The following TXNDC16 variants were observed in gnomAD, a reference collection of about 807,000 sequenced individuals.
The protein encoded by TXNDC16 is thioredoxin domain-containing protein 16.
Under a neutral mutation model 85.6 loss-of-function variants are expected in TXNDC16, and 74 were observed. The ratio of observed to expected loss-of-function variants is 0.86; its 90% CI spans 0.72 to 1.05. TXNDC16 has a LOEUF of 1.05. Ranked by LOEUF, TXNDC16 falls within the 50% of genes least tolerant of loss-of-function variation. The pLI is 0.00. For missense variants in TXNDC16, 959 were observed against 947.0 expected (o/e 1.01, Z -0.17); for synonymous variants, 335 against 326.5 (o/e 1.03, Z -0.28).
chr14:52,448,819 GAGTGT>G (rs1701927695), intron 18 of TXNDC16, among the ~76,000 whole-genome samples: 1 of 151,978 alleles, frequency 6.6e-6, no homozygotes, highest in African/African-American at 2.4e-5. Context: ...TAACTTGACA[GAGTGT>G]AGAGTTTTTA....
intron 18 of TXNDC16, among the ~76,000 whole-genome samples, chr14:52,454,919 A>G (rs2035497330): frequency 1.3e-5 from 2 of 152,236 alleles, no homozygotes; most frequent in African/African-American, 4.8e-5. Flanking sequence ...AGTCCTCACA[A>G]TAACTGTCTG....
chr14:52,479,951 C>T (rs1594713510), intron 14 of TXNDC16, among the ~76,000 whole-genome samples: 1 of 152,136 alleles, frequency 6.6e-6, no homozygotes, highest in South Asian at 2.1e-4. Context: ...CAGTGTGGTA[C>T]TGGCATAAAA....
At position 52,535,493 on chromosome 14, in the gene TXNDC16, G is replaced by A. The variant is rs113047237; in HGVS notation, c.392+1226C>T. ...GGAGTTAAACTACCAATTTTTGTAG[G>A]TGAGAGAGGAAGAGGAGACCCAAGC... On this transcript the variant is annotated intron_variant, in intron 6 of 20. Transcript: ENST00000281741. Among the ~76,000 whole-genome samples the A allele has an allele frequency of 2.1e-3, 324 of 152,220 alleles. 2 individuals carry two copies. Among genetic ancestry groups the A allele is most frequent in the African/African-American group, 7.5e-3 (313 of 41,512 alleles).
At chr14:52,519,904 T>C (rs955407147) in intron 6 of TXNDC16, among the ~76,000 whole-genome samples, 3 of 152,220 alleles carry the variant, frequency 2.0e-5, no homozygotes, top group African/African-American at 7.2e-5. Context: ...CAGTAGTTGA[T>C]TCCTTTATAG....
chr14:52,543,394 T>C lies in TXNDC16; in HGVS notation c.160+4A>G, dbSNP rs780132263. ...AATCATATTAGAATTTTAAAAATAC[T>C]TACCAGCTTGACAAAAATAAGCTAA... On this transcript the variant is annotated splice_donor_region_variant and intron_variant, in intron 3 of 20. Transcript: ENST00000281741. 2 of 1,601,442 alleles carry C rather than the reference T, an allele frequency of 1.2e-6. No homozygotes were observed. Among genetic ancestry groups the C allele is most frequent in the Non-Finnish European group, 1.7e-6 (2 of 1,176,474 alleles).
intron 14 of TXNDC16, among the ~76,000 whole-genome samples, chr14:52,474,050 C>A (rs559109490): frequency 6.6e-6 from 1 of 152,240 alleles, no homozygotes; most frequent in Admixed American, 6.5e-5. Context: ...AATTGTTATT[C>A]ATAAAGAACA....
At chr14:52,455,966 C>A (rs1002811153) in intron 17 of TXNDC16, among the ~76,000 whole-genome samples, 1 of 152,170 alleles carries the variant, frequency 6.6e-6, no homozygotes, top group South Asian at 2.1e-4. Context: ...ACACAGACTT[C>A]AAATGAGGTG....
intron 9 of TXNDC16, among the ~76,000 whole-genome samples, chr14:52,502,893 A>T (rs1475170894): frequency 6.6e-6 from 1 of 152,232 alleles, no homozygotes; most frequent in Non-Finnish European, 1.5e-5. Context: ...GCGCTTTTCC[A>T]ACGGTCTTAG....
intron 1 of TXNDC16, among the ~76,000 whole-genome samples, chr14:52,546,907 G>A (rs532726318): frequency 6.2e-4 from 95 of 152,282 alleles, no homozygotes; most frequent in Admixed American, 2.6e-3. Context: ...ACATTAATAA[G>A]TTTGATAAAA....
chr14:52,491,004 G>C lies in TXNDC16; in HGVS notation c.758C>G (p.Thr253Ser). The C allele has an allele frequency of 8.6e-7, 1 of 1,164,474 alleles. No homozygotes were observed. The highest frequency in any genetic ancestry group is 1.5e-5 in the South Asian group (1 of 65,672). 72.1% of individuals were successfully genotyped at this position (1,164,474 alleles called of 1,614,324 possible). A position where few individuals can be genotyped will look rare whatever the true frequency, so the allele number is the denominator to read the frequency against. ...TTGTTGAGGATCTTCAGCAACTTCA[G>C]TCTTCATTGAAAAAAAAAAAAAAAA... ...FIKTMKAPLL[T>S]EVAEDPQQVS... The change falls in exon 10 of 21, where the codon ACT (threonine) becomes AGT (serine). Residue 253 changes from threonine (T) to serine (S), a missense_variant and splice_region_variant. Transcript: ENST00000281741.
intron 16 of TXNDC16, among the ~76,000 whole-genome samples, chr14:52,469,786 T>TA (rs2140131138): frequency 1.3e-5 from 2 of 152,254 alleles, no homozygotes; most frequent in East Asian, 3.9e-4. Flanking sequence ...CTAACCTAGA[T>TA]ACACAGTTTT....
chr14:52,462,476 G>T (rs2035675129), intron 16 of TXNDC16, among the ~76,000 whole-genome samples: 1 of 152,104 alleles, frequency 6.6e-6, no homozygotes, highest in African/African-American at 2.4e-5. Flanking sequence ...CACCATGCCT[G>T]GCTAATTTTT....
chr14:52,488,404 A>T lies in TXNDC16; in HGVS notation c.1067T>A (p.Ile356Lys). Residue 356 changes from isoleucine (I) to lysine (K), a missense_variant, in exon 12 of 21, where the codon ATA becomes AAA. Coordinates refer to ENST00000281741, the MANE Select transcript of TXNDC16 (RefSeq NM_020784.3). The stretch of plus-strand genomic sequence containing the variant: ...CATGTCATTGTCTTCATCTTCTTGT[A>T]TTTCCTCAATGTGCATATTATTTTC... ...HVENNMHIEE[I>K]QEDEDNDMEG... The T allele has an allele frequency of 1.2e-6, 2 of 1,613,680 alleles. No homozygotes were observed. Among genetic ancestry groups the T allele is most frequent in the Non-Finnish European group, 8.5e-7 (1 of 1,179,730 alleles).
intron 20 of TXNDC16, among the ~76,000 whole-genome samples, chr14:52,435,911 C>T (rs1429172035): frequency 4.0e-5 from 6 of 151,818 alleles, no homozygotes; most frequent in East Asian, 3.9e-4. Context: ...CCCAGGAGTT[C>T]GGGGCTGTAG....
Position 52,546,323 on chromosome 14 carries a change from A to C in TXNDC16, c.-181-1952T>G, listed in dbSNP as rs1441851994. ...AACAAACAAAAACTTAATACTACAA[A>C]AATCTAGATATCAGAACCAAGTGAT... is the stretch of plus-strand genomic sequence containing the variant. On this transcript the variant is annotated intron_variant, in intron 1 of 20. Transcript: ENST00000281741. 2.6e-5 allele frequency among the ~76,000 whole-genome samples: 4 copies of C among 152,126 alleles called. No individual in the cohort carries two copies. The East Asian group carries it at 7.7e-4, about 29-fold the overall frequency.
At chr14:52,528,322 T>A (rs537268985) in intron 6 of TXNDC16, among the ~76,000 whole-genome samples, 1 of 152,298 alleles carries the variant, frequency 6.6e-6, no homozygotes, top group Admixed American at 6.5e-5. Context: ...GTAACACATA[T>A]TCTCTAACGC....
At position 52,493,216 on chromosome 14, in the gene TXNDC16, TAC is replaced by T. The variant is rs35747449; in HGVS notation, c.757-2213_757-2212del. Among the ~76,000 whole-genome samples, 129 of 115,958 alleles carry T rather than the reference TAC, an allele frequency of 1.1e-3. 1 individual carries two copies. The highest frequency in any genetic ancestry group is 4.3e-3 in the Middle Eastern group (1 of 234). 76.1% of individuals were successfully genotyped at this position (115,958 alleles called of 152,430 possible). A position where few individuals can be genotyped will look rare whatever the true frequency, so the allele number is the denominator to read the frequency against. On this transcript the variant is annotated intron_variant, in intron 9 of 20. Transcript: ENST00000281741. Reference sequence around the variant, plus strand: ...TTCTATATATATATATATATATATATACACACACACACACACACATATTTAAA... The same window carrying T: ...TTCTATATATATATATATATATATATACACACACACACACACATATTTAAA...
At chr14:52,479,993 G>C (rs938550069) in intron 14 of TXNDC16, among the ~76,000 whole-genome samples, 2 of 152,122 alleles carry the variant, frequency 1.3e-5, no homozygotes, top group African/African-American at 2.4e-5. Flanking sequence ...ACAGAATAGA[G>C]AACTCAGAAA....
In TXNDC16 at chr14:52,440,623, T is replaced by G. The variant is rs1257048844; in HGVS notation, c.1944A>C (p.Ala648=). 1 of 1,610,210 alleles carries G rather than the reference T, an allele frequency of 6.2e-7. No homozygotes were observed. The highest frequency in any genetic ancestry group is 8.5e-7 in the Non-Finnish European group (1 of 1,178,830). ...DGTVNPQYKK[A]ILTLVKQKYL... ...ATTTCTGCTTTACCAGTGTCAATAT[T>G]GCTTTTTTATACTGAGGATTTACAG... Residue 648 remains alanine, a synonymous_variant, in exon 19 of 21, where the codon GCA becomes GCC. Transcript: ENST00000281741.
Sources: allele counts gnomAD v4.1 joint callset (sites outside exome capture counted in the v4.1 genomes callset), GRCh38; gene constraint gnomAD v4.1.1; transcripts MANE v1.5; gene names NCBI Gene and HGNC (gene_info 2026-07-23, HGNC 2026-07-21).